PFKFB2: variants seen among roughly 807,000 people sequenced by gnomAD.
The protein encoded by PFKFB2 is 6-phosphofructo-2-kinase/fructose-2,6-bisphosphatase 2.
A neutral mutation model predicts 68.0 loss-of-function variants in PFKFB2; 53 were observed. The observed-to-expected ratio is 0.78, with a 90% CI of 0.63 to 0.98. The LOEUF (loss-of-function observed/expected upper bound fraction) is 0.98. Among genes scored for constraint, PFKFB2 ranks in the 50% least tolerant of loss-of-function variants. The pLI is 0.00. For synonymous variants in PFKFB2, 222 were observed against 227.6 expected (o/e 0.98, Z 0.22); for missense variants, 451 against 642.0 (o/e 0.70, Z 3.22).
Position 207,057,445 on chromosome 1 carries a change from T to G in PFKFB2, c.85+2643T>G, listed in dbSNP as rs1482104501. ...GTGAGCCGAGATCGCGCCACTGCAC[T>G]ACAGCCTGGGTGACAAAGTGAGACT... On this transcript the variant is annotated intron_variant, in intron 2 of 14. Transcript: ENST00000367080. 2.0e-5 allele frequency among the ~76,000 whole-genome samples: 3 copies of G among 149,890 alleles called. No homozygotes were observed. In the East Asian group the frequency reaches 5.9e-4, roughly 29 times the overall value.
At chr1:207,050,725 A>AT (rs1272323599), upstream of PFKFB2, 1 of 1,613,226 alleles carries the variant, frequency 6.2e-7, no homozygotes, top group East Asian at 2.2e-5. Flanking sequence ...TGGTATCCCC[A>AT]TTGCTGAGAT....
intron 11 of PFKFB2, 66 bp downstream of exon 11, chr1:207,069,594 G>C: frequency 9.6e-7 from 1 of 1,039,910 alleles, no homozygotes; most frequent in Admixed American, 1.8e-5. Context: ...TTTAATTTGG[G>C]GGAAGGATTG....
rs916466870 is a variant in PFKFB2, at chr1:207,072,460, T to G, written c.*89T>G. The G allele has an allele frequency of 3.9e-6, 6 of 1,521,302 alleles. No homozygotes were observed. The African/African-American group carries it at 7.0e-5, about 18-fold the overall frequency. The allele number at this position is 1,521,302 out of a possible 1,614,324, so 94.2% of individuals were successfully genotyped here. A position where few individuals can be genotyped will look rare whatever the true frequency, so the allele number is the denominator to read the frequency against. ...GCCCTTGTCACTAATCACCAAGGAG[T>G]CATTAACTTCCTCCCTCTATGCCCA... On this transcript the variant is annotated 3_prime_UTR_variant, in exon 15 of 15. Coordinates refer to ENST00000367080, the MANE Select transcript of PFKFB2 (RefSeq NM_006212.2).
chr1:207,068,408 C>A, intron 10 of PFKFB2, 99 bp downstream of exon 10: 1 of 1,050,626 alleles, frequency 9.5e-7, no homozygotes, highest in Non-Finnish European at 1.3e-6. Context: ...GAAACTACAA[C>A]CAACAAGTAA....
At chr1:207,040,545 A>AT (rs1381454760) in intron 1 of PFKFB2, among the ~76,000 whole-genome samples, 1 of 152,232 alleles carries the variant, frequency 6.6e-6, no homozygotes, top group Non-Finnish European at 1.5e-5. Flanking sequence ...TCTTGAATTC[A>AT]TTTTATGAGG....
chr1:207,049,681 C>T (rs747861674), upstream of PFKFB2: 2 of 1,614,066 alleles, frequency 1.2e-6, no homozygotes, highest in Non-Finnish European at 1.7e-6. Flanking sequence ...TGCAGGTGAA[C>T]TTCTGGGCCT....
upstream of PFKFB2, chr1:207,051,085 C>A (rs891298541): frequency 4.2e-6 from 6 of 1,443,932 alleles, no homozygotes; most frequent in African/African-American, 8.6e-5. Context: ...CGGCTTCTGC[C>A]TTAGTACCTT....
chr1:207,041,360 T>G (rs1682477849), intron 1 of PFKFB2, among the ~76,000 whole-genome samples: 1 of 152,028 alleles, frequency 6.6e-6, no homozygotes, highest in Admixed American at 6.5e-5. Context: ...ATTAGGTATT[T>G]CTCCTAATGC....
chr1:207,076,950 T>G lies in PFKFB2; in HGVS notation c.*4579T>G, dbSNP rs752580171. 12 of 982,896 alleles carry G rather than the reference T, an allele frequency of 1.2e-5. No individual in the cohort carries two copies. Among genetic ancestry groups the G allele is most frequent in the Non-Finnish European group, 1.4e-5 (12 of 827,630 alleles). The allele number at this position is 982,896 out of a possible 1,614,324, so 60.9% of individuals were successfully genotyped here. A position where few individuals can be genotyped will look rare whatever the true frequency, so the allele number is the denominator to read the frequency against. ...TCTAACAAAGGAAGGAATTAAGCAC[T>G]CCACGTGTTTTCTTTATAGGGGAGT... On this transcript the variant is annotated 3_prime_UTR_variant, in exon 15 of 15. Coordinates refer to ENST00000367080, the MANE Select transcript of PFKFB2 (RefSeq NM_006212.2).
In PFKFB2 at chr1:207,070,367, G is replaced by T; in HGVS notation, c.1180G>T (p.Val394Phe). ...GNVLVISHQA[V>F]MRCLLAYFLD... is the part of the protein sequence containing the mutation. ...TGTCCTCGTCATCTCCCACCAGGCTGTCATGCGCTGCCTCCTGGCCTACTT... is the reference window on the plus strand; with the variant it reads ...TGTCCTCGTCATCTCCCACCAGGCTTTCATGCGCTGCCTCCTGGCCTACTT... The change falls in exon 12 of 15, where the codon GTC becomes TTC. Residue 394 changes from valine to phenylalanine, a missense_variant. Physicochemically the swap from Val to Phe is conservative, Grantham distance 50. Transcript: ENST00000367080. This position sits in a 1 kb window ranked among gnomAD's most constrained non-coding sequence, Gnocchi z 4.2. 1 of 1,613,978 alleles carries T rather than the reference G, an allele frequency of 6.2e-7. No homozygotes were observed. Among genetic ancestry groups the T allele is most frequent in the Non-Finnish European group, 8.5e-7 (1 of 1,180,010 alleles).
In PFKFB2 at chr1:207,073,052, C is replaced by G. The variant is rs1683515262; in HGVS notation, c.*681C>G. The G allele has an allele frequency of 4.1e-6, 4 of 985,482 alleles. No individual in the cohort carries two copies. The highest frequency in any genetic ancestry group is 4.8e-6 in the Non-Finnish European group (4 of 829,982). 61.0% of individuals were successfully genotyped at this position (985,482 alleles called of 1,614,324 possible). A position where few individuals can be genotyped will look rare whatever the true frequency, so the allele number is the denominator to read the frequency against. On this transcript the variant is annotated 3_prime_UTR_variant, in exon 15 of 15. Transcript: ENST00000367080. ...CCTCTCCAGCCAGGTCCTGTAAGGG[C>G]CAGCCCAGACTACAGGACATCCACA...
At chr1:207,066,723 G>A (rs1558062667) in intron 8 of PFKFB2, among the ~76,000 whole-genome samples, 1 of 152,056 alleles carries the variant, frequency 6.6e-6, no homozygotes, top group Non-Finnish European at 1.5e-5. Context: ...CACGATCTCG[G>A]CTCACTGCAA....
Position 207,063,065 on chromosome 1 carries a change from C to T in PFKFB2, c.309-78C>T, listed in dbSNP as rs1683164615. ...AACTAAGTGGGCAGGGATGTGACTT[C>T]TGTAGCCACCCGAATGTTTGTGTCT... On this transcript the variant is annotated intron_variant, in intron 4 of 14. Transcript: ENST00000367080. The surrounding 1 kb of genome is among the most constrained non-coding windows in gnomAD (Gnocchi z 4.1). 2.5e-6 allele frequency: 3 copies of T among 1,223,630 alleles called. No homozygotes were observed. The highest frequency in any genetic ancestry group is 2.4e-6 in the Non-Finnish European group (2 of 826,356). The allele number at this position is 1,223,630 out of a possible 1,614,324, so 75.8% of individuals were successfully genotyped here. A position where few individuals can be genotyped will look rare whatever the true frequency, so the allele number is the denominator to read the frequency against.
chr1:207,075,179 AC>A lies in PFKFB2; in HGVS notation c.*2811del. ...CTAGCATTGTGTTAACCTGTCATTA[AC>A]CCAGCATTAGAGACAGGTCACTGGG... On this transcript the variant is annotated 3_prime_UTR_variant, in exon 15 of 15. Transcript: ENST00000367080. 1.0e-6 allele frequency: 1 copy of A among 985,384 alleles called. No individual in the cohort carries two copies. Among genetic ancestry groups the A allele is most frequent in the Non-Finnish European group, 1.2e-6 (1 of 829,912 alleles). 61.0% of individuals were successfully genotyped at this position (985,384 alleles called of 1,614,324 possible).
At chr1:207,057,207 G>C (rs899553665) in intron 2 of PFKFB2, among the ~76,000 whole-genome samples, 5 of 151,374 alleles carry the variant, frequency 3.3e-5, no homozygotes, top group African/African-American at 1.2e-4. Context: ...CAGCACTTTG[G>C]GAGGCCGAGG....
At chr1:207,067,912 C>T (rs1270761022) in intron 9 of PFKFB2, among the ~76,000 whole-genome samples, 1 of 152,208 alleles carries the variant, frequency 6.6e-6, no homozygotes, top group Non-Finnish European at 1.5e-5. Context: ...CTGCTGTGAT[C>T]ATTCAACCAT....
At chr1:207,054,836 C>G in intron 2 of PFKFB2, 34 bp downstream of exon 2, 2 of 1,386,666 alleles carry the variant, frequency 1.4e-6, no homozygotes, top group Non-Finnish European at 2.0e-6. Context: ...ACTGCTCTCT[C>G]TCAGCATTTT....
At position 207,070,240 on chromosome 1, in the gene PFKFB2, C is replaced by A. The variant is rs1056193641; in HGVS notation, c.1093-40C>A. On this transcript the variant is annotated intron_variant, in intron 11 of 14. Coordinates refer to ENST00000367080, the MANE Select transcript of PFKFB2 (RefSeq NM_006212.2). The surrounding 1 kb of genome is among the most constrained non-coding windows in gnomAD (Gnocchi z 4.2). The stretch of plus-strand genomic sequence containing the variant: ...AGCCACTGACTTGGCTGCCAGCTTG[C>A]ACCTGGGCTCCTGCCAGCCTGCCCC... 3 of 1,610,206 alleles carry A rather than the reference C, an allele frequency of 1.9e-6. No individual in the cohort carries two copies. In the Admixed American group the frequency reaches 5.0e-5, roughly 27 times the overall value.
chr1:207,063,548 T>G lies in PFKFB2; in HGVS notation c.450+127T>G, dbSNP rs1489032717. On this transcript the variant is annotated intron_variant, in intron 6 of 14. Coordinates refer to ENST00000367080, the MANE Select transcript of PFKFB2 (RefSeq NM_006212.2). This position sits in a 1 kb window ranked among gnomAD's most constrained non-coding sequence, Gnocchi z 4.1. ...TATCTGAATCTCTTCTCTCAGAGCA[T>G]TCCCCCAGTCCTTGAGTGTTTTCAT... 1.3e-6 allele frequency: 1 copy of G among 765,074 alleles called. No individual in the cohort carries two copies. Among genetic ancestry groups the G allele is most frequent in the Admixed American group, 2.0e-5 (1 of 49,594 alleles). The allele number at this position is 765,074 out of a possible 1,614,324, so 47.4% of individuals were successfully genotyped here.
Sources: gnomAD v4.1 joint callset for allele counts (sites outside exome capture counted in the v4.1 genomes callset) on GRCh38, gnomAD v4.1.1 for gene constraint, Gnocchi (gnomAD v3.1) non-coding constraint, MANE v1.5 for transcripts, NCBI Gene and HGNC (gene_info 2026-07-23, HGNC 2026-07-21) for gene names.